Variants in RPH3A observed in about 807,000 individuals in gnomAD.
RPH3A encodes rabphilin 3A, also known as rabphilin-3A.
Under a neutral mutation model 102.2 loss-of-function variants are expected in RPH3A, and 48 were observed. The observed-to-expected ratio is 0.47, with a 90% CI of 0.37 to 0.60. RPH3A has a LOEUF of 0.60. Ranked by LOEUF, RPH3A falls within the 20% of genes least tolerant of loss-of-function variation. RPH3A has a pLI of 0.00. For synonymous variants in RPH3A, 310 were observed against 324.3 expected (o/e 0.96, Z 0.47); for missense variants, 781 against 910.1 (o/e 0.86, Z 1.83).
chr12:112,802,823 G>A (rs2041381094), intron 2 of RPH3A, among the ~76,000 whole-genome samples: 1 of 151,894 alleles, frequency 6.6e-6, no homozygotes, highest in African/African-American at 2.4e-5. Flanking sequence ...CCACTCCCCA[G>A]GGCCTCTGTC....
chr12:112,669,642 A>G (rs1405405363), intron 1 of RPH3A, among the ~76,000 whole-genome samples: 2 of 152,240 alleles, frequency 1.3e-5, no homozygotes, highest in East Asian at 1.9e-4. Flanking sequence ...AGATTTTTAA[A>G]ATGTTTTTAT....
chr12:112,744,160 C>G (rs1269848890), intron 1 of RPH3A, among the ~76,000 whole-genome samples: 1 of 152,188 alleles, frequency 6.6e-6, no homozygotes, highest in Non-Finnish European at 1.5e-5. Flanking sequence ...ACTGAAACCT[C>G]TGTCTCCCAG....
At position 112,580,394 on chromosome 12, in the gene RPH3A, C is replaced by CTTTTTT. The variant is rs773931202; in HGVS notation, c.-140+5095_-140+5100dup. 1.8e-3 allele frequency among the ~76,000 whole-genome samples: 137 copies of CTTTTTT among 76,958 alleles called. 2 individuals are homozygous for CTTTTTT. Among genetic ancestry groups the CTTTTTT allele is most frequent in the African/African-American group, 2.5e-3 (47 of 18,994 alleles). The allele number at this position is 76,958 out of a possible 152,430, so 50.5% of individuals were successfully genotyped here. On this transcript the variant is annotated intron_variant, in intron 1 of 21. Coordinates refer to the RPH3A transcript ENST00000543106. ...GACTTAGCAGACACTTTTGTCTTGT[C>CTTTTTT]TTTTTTTTTTTTTTTTTTTTTTTTT...
chr12:112,849,242 A>G (rs1202519293), intron 5 of RPH3A, among the ~76,000 whole-genome samples: 1 of 152,198 alleles, frequency 6.6e-6, no homozygotes, highest in Non-Finnish European at 1.5e-5. Context: ...TTGACAAGTG[A>G]CAAACATCTG....
chr12:112,633,199 C>G (rs2135987168), intron 1 of RPH3A, among the ~76,000 whole-genome samples: 1 of 152,250 alleles, frequency 6.6e-6, no homozygotes, highest in South Asian at 2.1e-4. Context: ...AACCCTGTCT[C>G]TAAAAACAAC....
chr12:112,699,325 T>C (rs547389159), intron 1 of RPH3A, among the ~76,000 whole-genome samples: 1 of 152,246 alleles, frequency 6.6e-6, no homozygotes, highest in East Asian at 1.9e-4. Flanking sequence ...CCAGATCTGT[T>C]TGGGAATGTC....
chr12:112,717,466 C>G (rs2040521526), intron 1 of RPH3A, among the ~76,000 whole-genome samples: 1 of 152,022 alleles, frequency 6.6e-6, no homozygotes, highest in Non-Finnish European at 1.5e-5. Context: ...ATTATATATA[C>G]TTTCTGTGTT....
chr12:112,719,962 A>G (rs1045723788), intron 1 of RPH3A, among the ~76,000 whole-genome samples: 83 of 152,202 alleles, frequency 5.5e-4, no homozygotes, highest in African/African-American at 1.9e-3. Context: ...CTTCGAGCCT[A>G]TAGTTTTTTT....
chr12:112,762,911 A>C (rs1167345260), intron 1 of RPH3A, among the ~76,000 whole-genome samples: 1 of 152,202 alleles, frequency 6.6e-6, no homozygotes, highest in Non-Finnish European at 1.5e-5. Context: ...AAGAAGGAAT[A>C]TGCTGATCGG....
intron 1 of RPH3A, among the ~76,000 whole-genome samples, chr12:112,728,624 C>T (rs975545196): frequency 6.6e-6 from 1 of 152,140 alleles, no homozygotes; most frequent in Non-Finnish European, 1.5e-5. Context: ...TACCACCCAC[C>T]TTGGAGGTGG....
At chr12:112,809,004 G>C (rs897110639) in intron 2 of RPH3A, among the ~76,000 whole-genome samples, 1 of 152,044 alleles carries the variant, frequency 6.6e-6, no homozygotes, top group Non-Finnish European at 1.5e-5. Context: ...GTTTGGATGG[G>C]GTCCTTGCAT....
intron 1 of RPH3A, among the ~76,000 whole-genome samples, chr12:112,585,552 T>C (rs566535812): frequency 6.6e-6 from 1 of 152,224 alleles, no homozygotes; most frequent in South Asian, 2.1e-4. Context: ...CTGGCCAACA[T>C]GGTGAAACCC....
At chr12:112,661,818 A>C (rs547563070) in intron 1 of RPH3A, among the ~76,000 whole-genome samples, 1 of 151,964 alleles carries the variant, frequency 6.6e-6, no homozygotes, top group Non-Finnish European at 1.5e-5. Flanking sequence ...AAATGAAAAC[A>C]CTTTGTTTCT....
chr12:112,785,387 A>G (rs978450148), intron 1 of RPH3A, among the ~76,000 whole-genome samples: 1 of 152,186 alleles, frequency 6.6e-6, no homozygotes, highest in Non-Finnish European at 1.5e-5. Context: ...TCACTGCTGT[A>G]AGTGGGAATA....
chr12:112,887,690 C>A, intron 16 of RPH3A, 107 bp from the exon 17 acceptor site: 1 of 1,201,726 alleles, frequency 8.3e-7, no homozygotes, highest in South Asian at 1.5e-5. Flanking sequence ...ATATTATTTC[C>A]ACATACATTA....
At chr12:112,848,539 G>A (rs1054810398) in intron 5 of RPH3A, among the ~76,000 whole-genome samples, 1 of 152,136 alleles carries the variant, frequency 6.6e-6, no homozygotes, top group African/African-American at 2.4e-5. Flanking sequence ...CAGAATGGGG[G>A]AAATAACAGT....
chr12:112,867,979 G>A (rs970608607), intron 7 of RPH3A, among the ~76,000 whole-genome samples: 2 of 152,184 alleles, frequency 1.3e-5, no homozygotes, highest in Admixed American at 6.5e-5. Flanking sequence ...TTCACACACC[G>A]TCCTAGGTGT....
chr12:112,772,640 A>G (rs1417439379), intron 1 of RPH3A, among the ~76,000 whole-genome samples: 1 of 152,140 alleles, frequency 6.6e-6, no homozygotes, highest in Non-Finnish European at 1.5e-5. Context: ...AGCGCTCAAT[A>G]ATTATTAGTG....
intron 10 of RPH3A, among the ~76,000 whole-genome samples, chr12:112,872,981 T>G (rs765237636): frequency 3.3e-5 from 5 of 152,218 alleles, no homozygotes; most frequent in Non-Finnish European, 7.3e-5. Flanking sequence ...TGAATCTCTC[T>G]CCCTTGTAAT....
Sources: gnomAD v4.1 joint callset for allele counts (sites outside exome capture counted in the v4.1 genomes callset) on GRCh38, gnomAD v4.1.1 for gene constraint, MANE v1.5 for transcripts, NCBI Gene and HGNC (gene_info 2026-07-23, HGNC 2026-07-21) for gene names.